The following RS1 variants were observed in gnomAD, a reference collection of about 807,000 sequenced individuals.
The protein encoded by RS1 is retinoschisin 1, also known as retinoschisin.
A neutral mutation model predicts 20.8 loss-of-function variants in RS1; 2 were observed. The ratio of observed to expected loss-of-function variants is 0.10; its 90% CI spans 0.04 to 0.30. The LOEUF (loss-of-function observed/expected upper bound fraction) is 0.30. Among genes scored for constraint, RS1 ranks in the 10% least tolerant of loss-of-function variants. The probability of loss-of-function intolerance (pLI) is 1.00; values close to 1 mark genes in which losing one functional copy is unlikely to be tolerated. For missense variants in RS1, 151 were observed against 189.8 expected (o/e 0.80, Z 1.20); for synonymous variants, 70 against 75.8 (o/e 0.92, Z 0.40).
intron 3 of RS1, 55 bp from the exon 4 acceptor site, chrX:18,647,387 C>A (rs1377937171): frequency 8.6e-7 from 1 of 1,166,246 alleles, no homozygotes; most frequent in African/African-American, 1.8e-5. Context: ...CAACAAGCAC[C>A]AGGTGACTGA....
chrX:18,657,319 C>G (rs747055277), intron 2 of RS1, among the ~76,000 whole-genome samples: 1 of 101,530 alleles, frequency 9.8e-6, no homozygotes, highest in African/African-American at 3.7e-5. Flanking sequence ...CTCCTGGGTT[C>G]AAGCGATTCT....
intron 3 of RS1, among the ~76,000 whole-genome samples, chrX:18,648,570 C>T (rs1307762276): frequency 9.0e-6 from 1 of 111,585 alleles, no homozygotes; most frequent in East Asian, 2.9e-4. Flanking sequence ...AAAGAGCTCT[C>T]CTTTTATTGG....
chrX:18,649,764 G>T (rs1180369874), intron 3 of RS1, among the ~76,000 whole-genome samples: 2 of 112,228 alleles, frequency 1.8e-5, no homozygotes, highest in Non-Finnish European at 3.8e-5. Flanking sequence ...GTGGGCTGGG[G>T]ATCCCGAGGA....
At chrX:18,642,505 C>T (rs1055148456) in intron 5 of RS1, among the ~76,000 whole-genome samples, 10 of 112,110 alleles carry the variant, frequency 8.9e-5, no homozygotes, top group African/African-American at 3.2e-4. Flanking sequence ...ACAGAAAGTT[C>T]TATTGGAGGG....
rs1927606398 is a variant in RS1 at position 18,642,133 on chromosome X, G to A, written c.546C>T (p.Arg182=). 2 of 1,211,910 alleles carry A rather than the reference G, an allele frequency of 1.7e-6. No individual in the cohort carries two copies. Among genetic ancestry groups the A allele is most frequent in the East Asian group, 5.9e-5 (2 of 33,840 alleles). The change falls in exon 6 of 6, where the codon CGC becomes CGT. Residue 182 remains arginine, a synonymous_variant. Coordinates refer to ENST00000379984, the MANE Select transcript of RS1 (RefSeq NM_000330.4). The part of the protein sequence containing the change: ...NNRVFYGNSD[R]TSTVQNLLRP... ...GCAGCAGGTTCTGAACCGTGGAGGT[G>A]CGGTCCGAGTTGCCATAGAAGACCT...
In RS1 at chrX:18,650,431, AC is replaced by A. The variant is rs1158352360; in HGVS notation, c.185-3100del. The A allele has an allele frequency of 2.5e-6, 3 of 1,209,806 alleles. No individual in the cohort carries two copies. In the African/African-American group the frequency reaches 5.3e-5, roughly 21 times the overall value. ...CCAGGAGAATACTTCTGCTGTGGTG[AC>A]CCAAAGAAGCCTCACACTCCGTGCG... On this transcript the variant is annotated intron_variant, in intron 3 of 5. Transcript: ENST00000379984.
intron 5 of RS1, among the ~76,000 whole-genome samples, chrX:18,643,944 C>T (rs1927675095): frequency 9.0e-6 from 1 of 111,155 alleles, no homozygotes; most frequent in South Asian, 3.8e-4. Flanking sequence ...GGTTTAAGTT[C>T]GTCTGTGTTT....
At chrX:18,664,708 T>C (rs754897946) in intron 1 of RS1, among the ~76,000 whole-genome samples, 1 of 110,411 alleles carries the variant, frequency 9.1e-6, no homozygotes, top group East Asian at 2.8e-4. Flanking sequence ...GTTGTTATTA[T>C]TAGTAGTATT....
chrX:18,653,487 G>C, intron 3 of RS1: 1 of 1,211,713 alleles, frequency 8.3e-7, no homozygotes, highest in African/African-American at 1.7e-5. Flanking sequence ...ACAGGGCCCA[G>C]GTAAACCAAG....
chrX:18,664,855 C>T (rs989496670), intron 1 of RS1, among the ~76,000 whole-genome samples: 1 of 110,972 alleles, frequency 9.0e-6, no homozygotes, highest in African/African-American at 3.3e-5. Flanking sequence ...GCTGGGACTA[C>T]AGGCCTGCGC....
intron 1 of RS1, among the ~76,000 whole-genome samples, chrX:18,661,132 G>C (rs1928301226): frequency 8.9e-6 from 1 of 112,156 alleles, no homozygotes; most frequent in African/African-American, 3.2e-5. Context: ...AAATTCATAT[G>C]TTGAAACCCA....
At chrX:18,643,896 C>G (rs971236086) in intron 5 of RS1, among the ~76,000 whole-genome samples, 1 of 111,096 alleles carries the variant, frequency 9.0e-6, no homozygotes, top group Non-Finnish European at 1.9e-5. Flanking sequence ...ACTTCTGTCT[C>G]AATCCACAAA....
At position 18,642,018 on chromosome X, in the gene RS1, T is replaced by C. The variant is rs1339570385; in HGVS notation, c.661A>G (p.Ser221Gly). The change falls in exon 6 of 6, where the codon AGC becomes GGC. Residue 221 changes from serine (S) to glycine (G), a missense_variant. Transcript: ENST00000379984. ...AIRMELLECV[S>G]KCA The stretch of plus-strand genomic sequence containing the variant: ...TGAGGCAGGCATCAGGCACACTTGC[T>C]GACGCACTCCAGCAGCTCCATCCGG... The C allele has an allele frequency of 1.3e-5, 16 of 1,209,888 alleles. No homozygotes were observed. Among genetic ancestry groups the C allele is most frequent in the Admixed American group, 6.5e-5 (3 of 45,849 alleles).
At chrX:18,663,263 C>T (rs1202851340) in intron 1 of RS1, among the ~76,000 whole-genome samples, 1 of 107,262 alleles carries the variant, frequency 9.3e-6, no homozygotes, top group Non-Finnish European at 1.9e-5. Flanking sequence ...GTCTGGAACT[C>T]TCGACCTCAG....
chrX:18,668,933 C>T (rs190024600), intron 1 of RS1, among the ~76,000 whole-genome samples: 32 of 111,559 alleles, frequency 2.9e-4, no homozygotes, highest in Non-Finnish European at 5.5e-4. Flanking sequence ...ATACTTAAAA[C>T]GATCGAACAA....
Position 18,647,324 on chromosome X carries a change from A to T in RS1, c.193T>A (p.Tyr65Asn). The T allele has an allele frequency of 8.3e-7, 1 of 1,210,577 alleles. No individual in the cohort carries two copies. Among genetic ancestry groups the T allele is most frequent in the African/African-American group, 1.7e-5 (1 of 57,683 alleles). The change falls in exon 4 of 6, where the codon TAT becomes AAT. Residue 65 changes from tyrosine (Y) to asparagine (N), a missense_variant. Coordinates refer to ENST00000379984, the MANE Select transcript of RS1 (RefSeq NM_000330.4). ...TSLDCIPECP[Y>N]HKPLGFESGE... The stretch of plus-strand genomic sequence containing the variant: ...GACTCGAAACCCAGAGGCTTGTGAT[A>T]TGGGCATTCTGGGAAAGGAAAAAGA...
At chrX:18,658,783 A>T (rs868608253) in intron 1 of RS1, among the ~76,000 whole-genome samples, 8 of 103,345 alleles carry the variant, frequency 7.7e-5, no homozygotes, top group East Asian at 2.9e-4. Flanking sequence ...TTAAATCTTC[A>T]TCATCATCAT....
At chrX:18,649,994 G>A (rs764750663) in intron 3 of RS1, 37 of 212,572 alleles carry the variant, frequency 1.7e-4, no homozygotes, top group Middle Eastern at 1.7e-3. Context: ...CCGCCGCCCC[G>A]CTCAGGGCTA....
Position 18,647,212 on chromosome X carries a change from C to G in RS1, c.305G>C (p.Arg102Pro). Residue 102 changes from arginine (R) to proline (P), a missense_variant, in exon 4 of 6, where the codon CGG (arginine) becomes CCG (proline). By Grantham distance (103) the Arg-to-Pro change is moderately radical. Coordinates refer to ENST00000379984, the MANE Select transcript of RS1 (RefSeq NM_000330.4). ...TTACCCAAAGCCTTGACTGTTGAGC[C>G]GGGCCTTGTTTGCAGTCCACGAAGA... ...WYSSWTANKARLNSQGFGCAW... is the reference protein window; with the variant it reads ...WYSSWTANKAPLNSQGFGCAW... The G allele has an allele frequency of 8.3e-7, 1 of 1,211,173 alleles. No individual in the cohort carries two copies. Among genetic ancestry groups the G allele is most frequent in the Non-Finnish European group, 1.1e-6 (1 of 895,440 alleles).
Sources: gnomAD v4.1 joint callset for allele counts (sites outside exome capture counted in the v4.1 genomes callset) on GRCh38, gnomAD v4.1.1 for gene constraint, MANE v1.5 for transcripts, NCBI Gene and HGNC (gene_info 2026-07-23, HGNC 2026-07-21) for gene names.